Variants in LINGO1 observed in about 807,000 individuals in gnomAD.
LINGO1 encodes the protein leucine rich repeat and Ig domain containing 1.
LINGO1 carries 11 observed loss-of-function variants against 37.3 expected under a neutral mutation model. That is an observed-to-expected ratio of 0.29 (90% CI 0.19 to 0.49). LINGO1 has a LOEUF of 0.49. LINGO1 is among the 20% of genes least tolerant of loss of function. The probability of loss-of-function intolerance (pLI) is 0.99; values close to 1 mark genes in which losing one functional copy is unlikely to be tolerated. For missense variants in LINGO1, 585 were observed against 878.2 expected, an observed-to-expected ratio of 0.67 and a Z score of 4.22; for synonymous variants, 387 against 403.0, an observed-to-expected ratio of 0.96 and a Z score of 0.48.
At chr15:77,712,458 A>G (rs879893953) in intron 2 of LINGO1, among the ~76,000 whole-genome samples, 1 of 152,164 alleles carries the variant, frequency 6.6e-6, no homozygotes, top group Non-Finnish European at 1.5e-5. Flanking sequence ...GATGAATCCA[A>G]CCAACATCTT....
intron 1 of LINGO1, among the ~76,000 whole-genome samples, chr15:77,623,428 C>A (rs988967095): frequency 6.6e-6 from 1 of 152,220 alleles, no homozygotes; most frequent in Non-Finnish European, 1.5e-5. Flanking sequence ...GGCTAATCCC[C>A]GCTGAGGTGT....
At chr15:77,652,401 C>G (rs2074776845) in intron 3 of LINGO1, 1 of 151,908 alleles carries the variant, frequency 6.6e-6, no homozygotes, top group South Asian at 2.1e-4. Context: ...CTTCTCTGCA[C>G]TATGAAATTA....
intron 2 of LINGO1, among the ~76,000 whole-genome samples, chr15:77,723,269 C>T (rs747464606): frequency 2.6e-5 from 4 of 151,882 alleles, no homozygotes; most frequent in South Asian, 2.1e-4. Flanking sequence ...CCTTCCTCTG[C>T]GAATCTAAAT....
At chr15:77,697,256 G>C (rs778345689), upstream of LINGO1, among the ~76,000 whole-genome samples, 18 of 152,316 alleles carry the variant, frequency 1.2e-4, no homozygotes, top group Non-Finnish European at 7.4e-5. Context: ...ATGGTGGCAG[G>C]GTGGGGATCA....
chr15:77,685,691 T>TAAAAA lies in LINGO1; in HGVS notation c.-99+5024_-99+5028dup, dbSNP rs74752846. 1.2e-3 allele frequency among the ~76,000 whole-genome samples: 166 copies of TAAAAA among 137,710 alleles called. 2 individuals carry two copies. The highest frequency in any genetic ancestry group is 4.3e-3 in the African/African-American group (160 of 37,274). 90.3% of individuals were successfully genotyped at this position (137,710 alleles called of 152,430 possible). Reference sequence around the variant, plus strand: ...TGGGCAACATAGTGAGACCCCGTCTTAAAAAAAAAAAAAACGCCAGGAATG... The same window carrying TAAAAA: ...TGGGCAACATAGTGAGACCCCGTCTTAAAAAAAAAAAAAAAAAAACGCCAGGAATG... On this transcript the variant is annotated intron_variant, in intron 2 of 3. Transcript: ENST00000559893.
intron 3 of LINGO1, chr15:77,676,975 AG>A (rs2075338298): frequency 6.6e-6 from 1 of 152,426 alleles, no homozygotes; most frequent in African/African-American, 2.4e-5. Flanking sequence ...GGCCCCTGGC[AG>A]GGGCTCATTC....
chr15:77,685,819 C>G (rs558393056), intron 2 of LINGO1, among the ~76,000 whole-genome samples: 13 of 152,238 alleles, frequency 8.5e-5, no homozygotes, highest in African/African-American at 2.9e-4. Context: ...ACACTGCTCT[C>G]CATTCTGGGT....
chr15:77,755,112 G>A lies in LINGO1; in HGVS notation c.-256-20059C>T, dbSNP rs113439657. On this transcript the variant is annotated intron_variant, in intron 1 of 3. Transcript: ENST00000561686. Reference sequence around the variant, plus strand: ...AAGGCCCTCCTACTAGGACCAGACTGGAGCACAGCCAGGTCCCCACTCAGT... The same window carrying A: ...AAGGCCCTCCTACTAGGACCAGACTAGAGCACAGCCAGGTCCCCACTCAGT... Among the ~76,000 whole-genome samples the A allele has an allele frequency of 1.2e-3, 181 of 152,324 alleles. 1 individual carries two copies. Among genetic ancestry groups the A allele is most frequent in the African/African-American group, 4.1e-3 (170 of 41,578 alleles).
upstream of LINGO1, among the ~76,000 whole-genome samples, chr15:77,791,377 C>T (rs2076817432): frequency 1.6e-5 from 1 of 63,376 alleles, no homozygotes; most frequent in African/African-American, 6.7e-5. Flanking sequence ...GCAAAGAGGC[C>T]GAGGGAGGCG....
chr15:77,666,455 C>T (rs763881797), intron 3 of LINGO1, among the ~76,000 whole-genome samples: 11 of 152,264 alleles, frequency 7.2e-5, no homozygotes, highest in Non-Finnish European at 1.6e-4. Context: ...TGCTGATTAC[C>T]GTGAGCCGGC....
chr15:77,719,893 C>T (rs1056892354), intron 2 of LINGO1, among the ~76,000 whole-genome samples: 3 of 149,562 alleles, frequency 2.0e-5, no homozygotes, highest in African/African-American at 7.3e-5. Flanking sequence ...CACATACACA[C>T]ACACACACAA....
intron 3 of LINGO1, among the ~76,000 whole-genome samples, chr15:77,662,213 G>A (rs2075009546): frequency 6.6e-6 from 1 of 152,132 alleles, no homozygotes; most frequent in Non-Finnish European, 1.5e-5. Flanking sequence ...AGTCAGGTAG[G>A]GTTAGCAGAG....
Position 77,705,031 on chromosome 15 carries a change from C to A in LINGO1, c.-194-14130G>T, listed in dbSNP as rs141601452. ...CTTGTGGAGAAGTTGCTGGGTTAAT[C>A]TTCTGTCATATAAGCCGGCTCATCC... On this transcript the variant is annotated intron_variant, in intron 2 of 3. Coordinates refer to the LINGO1 transcript ENST00000561686. 1.8e-4 allele frequency among the ~76,000 whole-genome samples: 28 copies of A among 152,218 alleles called. No homozygotes were observed. The East Asian group carries it at 5.2e-3, about 28-fold the overall frequency.
chr15:77,633,114 C>A (rs1375446350), upstream of LINGO1, among the ~76,000 whole-genome samples: 2 of 151,838 alleles, frequency 1.3e-5, no homozygotes, highest in Non-Finnish European at 2.9e-5. Context: ...GGCAGCGAAA[C>A]AGGCAGGGGT....
intron 1 of LINGO1, among the ~76,000 whole-genome samples, chr15:77,813,740 G>A (rs757143478): frequency 1.3e-5 from 2 of 152,190 alleles, no homozygotes; most frequent in African/African-American, 2.4e-5. Context: ...AGAAAAATAC[G>A]TATTAGAGCC....
intron 2 of LINGO1, among the ~76,000 whole-genome samples, chr15:77,719,792 A>T (rs978178789): frequency 2.9e-5 from 3 of 105,114 alleles, no homozygotes; most frequent in African/African-American, 8.7e-5. Context: ...ACTCACATTC[A>T]CACACACACG....
At chr15:77,710,019 G>A (rs2075899152) in intron 2 of LINGO1, among the ~76,000 whole-genome samples, 1 of 152,242 alleles carries the variant, frequency 6.6e-6, no homozygotes, top group Non-Finnish European at 1.5e-5. Context: ...GAAGGGCACA[G>A]GGGAGTTGGA....
chr15:77,739,187 C>A (rs913759976), intron 1 of LINGO1, among the ~76,000 whole-genome samples: 3 of 152,234 alleles, frequency 2.0e-5, no homozygotes, highest in African/African-American at 7.2e-5. Context: ...GGTGCCGCTG[C>A]CAGGCAGCCC....
chr15:77,819,224 C>T (rs1185000189), intron 1 of LINGO1: 1 of 149,156 alleles, frequency 6.7e-6, no homozygotes, highest in Non-Finnish European at 1.5e-5. Flanking sequence ...GGCCTGCGCC[C>T]CTGCGGCCCT....
Sources: gnomAD v4.1 joint callset for allele counts (sites outside exome capture counted in the v4.1 genomes callset) on GRCh38, gnomAD v4.1.1 for gene constraint, MANE v1.5 for transcripts, NCBI Gene and HGNC (gene_info 2026-07-23, HGNC 2026-07-21) for gene names.